The following SCFD2 variants were observed in gnomAD, a reference collection of about 807,000 sequenced individuals.
SCFD2 encodes sec1 family domain-containing protein 2.
SCFD2 carries 54 observed loss-of-function variants against 58.9 expected under a neutral mutation model. The ratio of observed to expected loss-of-function variants is 0.92; its 90% confidence interval spans 0.74 to 1.15. SCFD2 has a LOEUF of 1.15. Among genes scored for constraint, SCFD2 ranks in the 50% most tolerant of loss-of-function variants. The probability of loss-of-function intolerance (pLI) is 0.00; values close to 1 mark genes in which losing one functional copy is unlikely to be tolerated. For missense variants in SCFD2, 805 were observed against 836.6 expected, an observed-to-expected ratio of 0.96 and a Z score of 0.47; for synonymous variants, 321 against 335.9, an observed-to-expected ratio of 0.96 and a Z score of 0.49.
Position 53,136,098 on chromosome 4 carries a change from G to T in SCFD2, c.1561+9235C>A, listed in dbSNP as rs542304912. On this transcript the variant is annotated intron_variant, in intron 5 of 8. Coordinates refer to ENST00000401642, the MANE Select transcript of SCFD2 (RefSeq NM_152540.4). ...TACAAATATTTGTATATTTATATGTGAGAGTAATATTTAGTTCATGGATGA... is the reference window on the plus strand; with the variant it reads ...TACAAATATTTGTATATTTATATGTTAGAGTAATATTTAGTTCATGGATGA... Among the ~76,000 whole-genome samples the T allele has an allele frequency of 5.3e-5, 8 of 152,290 alleles. No individual in the cohort carries two copies. The East Asian group carries it at 1.5e-3, about 29-fold the overall frequency.
intron 4 of SCFD2, among the ~76,000 whole-genome samples, chr4:53,152,469 T>C (rs1726540087): frequency 6.6e-6 from 1 of 152,208 alleles, no homozygotes; most frequent in Non-Finnish European, 1.5e-5. Context: ...ATAAACACTA[T>C]TAAAACCTGT....
chr4:53,282,425 C>G (rs1252257166), intron 3 of SCFD2, among the ~76,000 whole-genome samples: 1 of 151,962 alleles, frequency 6.6e-6, no homozygotes, highest in Non-Finnish European at 1.5e-5. Flanking sequence ...AAGTTTTTGG[C>G]TATTTTATTT....
intron 1 of SCFD2, among the ~76,000 whole-genome samples, chr4:53,356,954 C>A (rs915702126): frequency 3.3e-5 from 5 of 151,856 alleles, no homozygotes; most frequent in Non-Finnish European, 5.9e-5. Flanking sequence ...TTTTAAACCA[C>A]CACACCTACC....
chr4:53,167,867 T>C (rs1254382539), intron 4 of SCFD2, among the ~76,000 whole-genome samples: 14 of 152,176 alleles, frequency 9.2e-5, no homozygotes, highest in African/African-American at 3.4e-4. Flanking sequence ...ATATATTTTA[T>C]TTTCTGAAAA....
chr4:53,311,428 T>G (rs1732685939), intron 3 of SCFD2, among the ~76,000 whole-genome samples: 1 of 152,142 alleles, frequency 6.6e-6, no homozygotes, highest in Non-Finnish European at 1.5e-5. Context: ...GCTTATGGGA[T>G]TACCTGTCCT....
rs553304034 is a variant in SCFD2, at chr4:53,098,241, AG to A, written c.1561+47091del. Among the ~76,000 whole-genome samples, 6 of 152,330 alleles carry A rather than the reference AG, an allele frequency of 3.9e-5. No homozygotes were observed. In the South Asian group the frequency reaches 1.2e-3, roughly 32 times the overall value. On this transcript the variant is annotated intron_variant, in intron 5 of 8. Coordinates refer to ENST00000401642, the MANE Select transcript of SCFD2 (RefSeq NM_152540.4). ...TGATGCTGGCCTCATAAAATGAGTT[AG>A]GGAGGATTCCCTCTTTTTCTATTGA...
At chr4:53,333,920 C>A in intron 2 of SCFD2, among the ~76,000 whole-genome samples, 1 of 139,202 alleles carries the variant, frequency 7.2e-6, no homozygotes, top group Admixed American at 7.4e-5. Context: ...AACAAACAAC[C>A]CCATCAAAAA....
intron 5 of SCFD2, among the ~76,000 whole-genome samples, chr4:53,094,984 AC>A: frequency 6.6e-6 from 1 of 152,252 alleles, no homozygotes; most frequent in Admixed American, 6.5e-5. Flanking sequence ...TTACTGATGT[AC>A]TTTTACTTGG....
chr4:53,063,666 A>G (rs1723577398), intron 5 of SCFD2, among the ~76,000 whole-genome samples: 1 of 152,154 alleles, frequency 6.6e-6, no homozygotes, highest in South Asian at 2.1e-4. Flanking sequence ...TACCTCTACT[A>G]AATGAGAAGA....
chr4:53,322,634 C>T (rs1560446352), intron 2 of SCFD2, among the ~76,000 whole-genome samples: 1 of 152,168 alleles, frequency 6.6e-6, no homozygotes, highest in Non-Finnish European at 1.5e-5. Context: ...GACTGTTTTT[C>T]ATATAGATTT....
At position 52,901,938 on chromosome 4, in the gene SCFD2, C is replaced by G. The variant is rs549121250; in HGVS notation, c.1842+5519G>C. Among the ~76,000 whole-genome samples the G allele has an allele frequency of 1.8e-4, 27 of 152,352 alleles. No homozygotes were observed. The South Asian group carries it at 5.4e-3, about 30-fold the overall frequency. On this transcript the variant is annotated intron_variant, in intron 7 of 8. Transcript: ENST00000401642. ...ACACAGGTATTTTTCTTAACTTTCG[C>G]TGCCTGCAAAAATGTACATAAATAA...
At chr4:52,925,283 T>C (rs901831259) in intron 5 of SCFD2, among the ~76,000 whole-genome samples, 22 of 151,194 alleles carry the variant, frequency 1.5e-4, no homozygotes, top group Non-Finnish European at 3.2e-4. Flanking sequence ...ATGTATGCTA[T>C]ATGTGCTATT....
chr4:52,905,042 A>C (rs1719312932), intron 7 of SCFD2, among the ~76,000 whole-genome samples: 2 of 152,358 alleles, frequency 1.3e-5, no homozygotes, highest in Admixed American at 1.3e-4. Flanking sequence ...CGTGATACAC[A>C]CTGATCACAG....
chr4:53,138,880 C>T (rs377044441), intron 5 of SCFD2, among the ~76,000 whole-genome samples: 45 of 147,288 alleles, frequency 3.1e-4, no homozygotes, highest in African/African-American at 1.1e-3. Flanking sequence ...CCCTCCCTCT[C>T]GTCTCCGTCT....
intron 5 of SCFD2, among the ~76,000 whole-genome samples, chr4:53,050,609 T>C (rs2148831652): frequency 6.6e-6 from 1 of 152,322 alleles, no homozygotes; most frequent in South Asian, 2.1e-4. Flanking sequence ...ATAATGCACC[T>C]GATTGCCGAC....
chr4:53,358,368 A>AAAAAC (rs1734456975), intron 1 of SCFD2, among the ~76,000 whole-genome samples: 1 of 152,014 alleles, frequency 6.6e-6, no homozygotes, highest in Non-Finnish European at 1.5e-5. Flanking sequence ...ATCTCTACTA[A>AAAAAC]AAAACAAAAC....
chr4:53,289,806 TAAC>T (rs1273343375), intron 3 of SCFD2, among the ~76,000 whole-genome samples: 2 of 151,742 alleles, frequency 1.3e-5, no homozygotes, highest in South Asian at 2.1e-4. Flanking sequence ...CTGTAAAAAG[TAAC>T]AACAACAACA....
intron 3 of SCFD2, among the ~76,000 whole-genome samples, chr4:53,283,150 A>G (rs1486698461): frequency 6.6e-6 from 1 of 152,234 alleles, no homozygotes; most frequent in Non-Finnish European, 1.5e-5. Flanking sequence ...GCACTTTAGA[A>G]GACTCCCTTG....
chr4:53,152,746 G>A (rs765434668), intron 4 of SCFD2, among the ~76,000 whole-genome samples: 1 of 152,112 alleles, frequency 6.6e-6, no homozygotes, highest in Non-Finnish European at 1.5e-5. Flanking sequence ...TTATAAGCCT[G>A]AAAAATCAAA....
Sources: gnomAD v4.1 joint callset for allele counts (sites outside exome capture counted in the v4.1 genomes callset) on GRCh38, gnomAD v4.1.1 for gene constraint, MANE v1.5 for transcripts, NCBI Gene and HGNC (gene_info 2026-07-23, HGNC 2026-07-21) for gene names.